NALF2: variants seen among roughly 807,000 people sequenced by gnomAD.
The protein encoded by NALF2 is NALCN channel auxiliary factor 2.
NALF2 carries 1 observed loss-of-function variant against 24.8 expected under a neutral mutation model. The observed-to-expected ratio is 0.04, with a 90% CI of 0.01 to 0.19. The LOEUF is 0.19. NALF2 is among the 10% of genes least tolerant of loss of function. The pLI is 1.00. For synonymous variants in NALF2, 254 were observed against 189.8 expected (o/e 1.34, Z -2.78); for missense variants, 458 against 409.6 (o/e 1.12, Z -1.02).
chrX:69,529,239 C>T (rs1317023476), intron 2 of NALF2, 75 bp downstream of exon 2: 4 of 1,042,268 alleles, frequency 3.8e-6, no homozygotes, highest in Non-Finnish European at 5.2e-6. Flanking sequence ...GAGTTGGGAG[C>T]AGGGATAACA....
In NALF2 at chrX:69,505,127, C is replaced by T. The variant is rs1158838752; in HGVS notation, c.-156C>T. On this transcript the variant is annotated 5_prime_UTR_variant, in exon 1 of 3. Coordinates refer to ENST00000252338, the MANE Select transcript of NALF2 (RefSeq NM_015686.3). ...GAGCGCCCCGCGACTCCGGCCTGAG[C>T]GGGGCATCGCGCCGGCCGGCCTGCC... The T allele has an allele frequency of 5.3e-5, 21 of 398,919 alleles. No individual in the cohort carries two copies. Among genetic ancestry groups the T allele is most frequent in the Non-Finnish European group, 7.8e-6 (2 of 257,624 alleles). The allele number at this position is 398,919 out of a possible 1,213,427, so 32.9% of individuals were successfully genotyped here. A position where few individuals can be genotyped will look rare whatever the true frequency, so the allele number is the denominator to read the frequency against.
Position 69,505,304 on chromosome X carries a change from T to A in NALF2, c.22T>A (p.Trp8Arg). The stretch of plus-strand genomic sequence containing the variant: ...AAATATGTTCAGGGGCGCTTGGATG[T>A]GGCCCGGGAAAGACGCCGCCGCGCT... MFRGAWM[W>R]PGKDAAALTI... The change falls in exon 1 of 3, where the codon TGG becomes AGG. Residue 8 changes from tryptophan (W) to arginine (R), a missense_variant. By Grantham distance (101) the Trp-to-Arg change is moderately radical. Coordinates refer to ENST00000252338, the MANE Select transcript of NALF2 (RefSeq NM_015686.3). The A allele has an allele frequency of 8.7e-7, 1 of 1,155,929 alleles. No individual in the cohort carries two copies. The highest frequency in any genetic ancestry group is 3.4e-5 in the East Asian group (1 of 29,771).
chrX:69,507,726 G>A (rs1013512469), intron 1 of NALF2, among the ~76,000 whole-genome samples: 5 of 111,327 alleles, frequency 4.5e-5, no homozygotes, highest in Non-Finnish European at 9.4e-5. Context: ...TGTCAGCCAC[G>A]GACACATACA....
At chrX:69,521,416 A>T (rs1024170787) in intron 1 of NALF2, among the ~76,000 whole-genome samples, 3 of 111,004 alleles carry the variant, frequency 2.7e-5, no homozygotes, top group African/African-American at 9.8e-5. Context: ...TACCAAGGAG[A>T]TACAGTGCTT....
At chrX:69,520,182 T>C (rs1361144091) in intron 1 of NALF2, among the ~76,000 whole-genome samples, 2 of 112,110 alleles carry the variant, frequency 1.8e-5, no homozygotes, top group Admixed American at 1.9e-4. Flanking sequence ...TGAGCTAGGT[T>C]ATGCTCTGGT....
intron 1 of NALF2, among the ~76,000 whole-genome samples, chrX:69,519,448 A>C (rs1173354416): frequency 8.9e-6 from 1 of 111,949 alleles, no homozygotes; most frequent in Non-Finnish European, 1.9e-5. Context: ...GAAATGTCTT[A>C]CCAGAAGGCT....
intron 2 of NALF2, 138 bp downstream of exon 2, chrX:69,529,302 G>C: frequency 1.3e-6 from 1 of 795,062 alleles, no homozygotes; most frequent in Non-Finnish European, 1.8e-6. Flanking sequence ...GGGCAGTGAC[G>C]TCCCCAGGTT....
intron 1 of NALF2, among the ~76,000 whole-genome samples, chrX:69,520,530 C>T (rs758298257): frequency 6.4e-4 from 72 of 111,712 alleles, no homozygotes; most frequent in Non-Finnish European, 1.2e-3. Context: ...AAGTCCCTAA[C>T]CCCTGATGGC....
rs1273815974 is a variant in NALF2, at chrX:69,505,326, C to T, written c.44C>T (p.Ala15Val). Residue 15 changes from alanine (A) to valine (V), a missense_variant, in exon 1 of 3, where the codon GCG becomes GTG. Physicochemically the swap from Ala to Val is moderately conservative, Grantham distance 64. Coordinates refer to ENST00000252338, the MANE Select transcript of NALF2 (RefSeq NM_015686.3). ...ATGTGGCCCGGGAAAGACGCCGCCG[C>T]GCTGACTATCTGCTGCTGCTGCTGC... is the stretch of plus-strand genomic sequence containing the variant. The part of the protein sequence containing the change: ...AWMWPGKDAA[A>V]LTICCCCCCW... 1 of 1,157,472 alleles carries T rather than the reference C, an allele frequency of 8.6e-7. No individual in the cohort carries two copies. Among genetic ancestry groups the T allele is most frequent in the East Asian group, 3.3e-5 (1 of 29,892 alleles).
rs1356647443 is a variant in NALF2, at chrX:69,532,018, C to CCCTTGGA, written c.*2063_*2069dup. On this transcript the variant is annotated 3_prime_UTR_variant, in exon 3 of 3. Coordinates refer to ENST00000252338, the MANE Select transcript of NALF2 (RefSeq NM_015686.3). Reference sequence around the variant, plus strand: ...AAACCATATGGCCCCAGGGAATGGACCCTTGGAGACTCCCATCCTCTCTTC... The same window carrying CCCTTGGA: ...AAACCATATGGCCCCAGGGAATGGACCCTTGGACCTTGGAGACTCCCATCCTCTCTTC... The CCCTTGGA allele has an allele frequency of 5.3e-5, 6 of 112,416 alleles. No homozygotes were observed. Among genetic ancestry groups the CCCTTGGA allele is most frequent in the African/African-American group, 1.6e-4 (5 of 30,848 alleles). The allele number at this position is 112,416 out of a possible 1,213,427, so 9.3% of individuals were successfully genotyped here.
In NALF2 at chrX:69,530,088, C is replaced by A. The variant is rs1352796764; in HGVS notation, c.*132C>A. ...CGGGGGAAATGGGGGAATGACACAT[C>A]CCCCCCAACCTACCCCCACCCCAAA... is the stretch of plus-strand genomic sequence containing the variant. On this transcript the variant is annotated 3_prime_UTR_variant, in exon 3 of 3. Coordinates refer to ENST00000252338, the MANE Select transcript of NALF2 (RefSeq NM_015686.3). The A allele has an allele frequency of 4.2e-6, 2 of 476,370 alleles. No homozygotes were observed. The highest frequency in any genetic ancestry group is 8.5e-5 in the Admixed American group (2 of 23,555). The allele number at this position is 476,370 out of a possible 1,213,427, so 39.3% of individuals were successfully genotyped here. A position where few individuals can be genotyped will look rare whatever the true frequency, so the allele number is the denominator to read the frequency against.
intron 1 of NALF2, among the ~76,000 whole-genome samples, chrX:69,507,501 CAGAT>C (rs1051014870): frequency 9.0e-6 from 1 of 111,177 alleles, no homozygotes; most frequent in Admixed American, 9.5e-5. Context: ...GGTATACAGA[CAGAT>C]AGACACACAC....
intron 1 of NALF2, among the ~76,000 whole-genome samples, chrX:69,509,238 G>C (rs1444629798): frequency 2.7e-5 from 3 of 110,489 alleles, no homozygotes; most frequent in Non-Finnish European, 5.7e-5. Context: ...AGCTTCCTGT[G>C]CATCCCCACA....
chrX:69,524,435 A>G (rs1343209932), intron 1 of NALF2, among the ~76,000 whole-genome samples: 1 of 111,540 alleles, frequency 9.0e-6, no homozygotes, highest in East Asian at 2.8e-4. Flanking sequence ...TGATTGTGAT[A>G]TGCAGCCAGA....
chrX:69,506,032 C>T lies in NALF2; in HGVS notation c.750C>T (p.Tyr250=). 1 of 1,210,911 alleles carries T rather than the reference C, an allele frequency of 8.3e-7. No homozygotes were observed. The highest frequency in any genetic ancestry group is 1.1e-6 in the Non-Finnish European group (1 of 895,051). ...WEACSNCIEA[Y]QRLDRHAQEK... is the part of the protein sequence containing the mutation. ...CGTGTAGCAACTGTATCGAGGCGTACCAGCGGCTGGACCGACACGCTCAGG... is the reference window on the plus strand; with the variant it reads ...CGTGTAGCAACTGTATCGAGGCGTATCAGCGGCTGGACCGACACGCTCAGG... Residue 250 remains tyrosine, a synonymous_variant, in exon 1 of 3, where the codon TAC becomes TAT. Coordinates refer to ENST00000252338, the MANE Select transcript of NALF2 (RefSeq NM_015686.3).
In NALF2 at chrX:69,530,249, T is replaced by C; in HGVS notation, c.*293T>C. 3.6e-6 allele frequency: 1 copy of C among 276,393 alleles called. No homozygotes were observed. The highest frequency in any genetic ancestry group is 6.1e-5 in the East Asian group (1 of 16,289). The allele number at this position is 276,393 out of a possible 1,213,427, so 22.8% of individuals were successfully genotyped here. A position where few individuals can be genotyped will look rare whatever the true frequency, so the allele number is the denominator to read the frequency against. On this transcript the variant is annotated 3_prime_UTR_variant, in exon 3 of 3. Coordinates refer to ENST00000252338, the MANE Select transcript of NALF2 (RefSeq NM_015686.3). ...GCAAAAAAAGGGAGGAAGTGGGGGC[T>C]GGATATGCCCACCCCTGCCAAAAGC...
At position 69,529,118 on chromosome X, in the gene NALF2, C is replaced by G; in HGVS notation, c.987C>G (p.Asp329Glu). Reference sequence around the variant, plus strand: ...CCCGGTGCCCCTTTATACTCCCCGACAATGAGGAAATGGTGTACGGAGGGC... The same window carrying G: ...CCCGGTGCCCCTTTATACTCCCCGAGAATGAGGAAATGGTGTACGGAGGGC... ...VQTRCPFILP[D>E]NEEMVYGGLP... Residue 329 changes from aspartate to glutamate, a missense_variant, in exon 2 of 3, where the codon GAC becomes GAG. Asp to Glu is a conservative substitution (Grantham distance 45, BLOSUM62 2). Transcript: ENST00000252338. 1 of 1,210,818 alleles carries G rather than the reference C, an allele frequency of 8.3e-7. No homozygotes were observed. Among genetic ancestry groups the G allele is most frequent in the Non-Finnish European group, 1.1e-6 (1 of 895,078 alleles).
At chrX:69,516,604 A>G (rs1192251529) in intron 1 of NALF2, among the ~76,000 whole-genome samples, 3 of 112,220 alleles carry the variant, frequency 2.7e-5, no homozygotes, top group South Asian at 7.6e-4. Flanking sequence ...CCCAGATGGT[A>G]GGACCTGGGA....
rs1392922789 is a variant in NALF2, at chrX:69,531,709, G to A, written c.*1753G>A. 1 of 111,416 alleles carries A rather than the reference G, an allele frequency of 9.0e-6. No individual in the cohort carries two copies. The highest frequency in any genetic ancestry group is 3.3e-5 in the African/African-American group (1 of 30,459). 9.2% of individuals were successfully genotyped at this position (111,416 alleles called of 1,213,427 possible). A position where few individuals can be genotyped will look rare whatever the true frequency, so the allele number is the denominator to read the frequency against. On this transcript the variant is annotated 3_prime_UTR_variant, in exon 3 of 3. Transcript: ENST00000252338. The stretch of plus-strand genomic sequence containing the variant: ...CCCAGACTGATTACATGAGACTGGG[G>A]AGTCCTTCCCTGCCAGTTTTCTCAT...
Sources: gnomAD v4.1 joint callset for allele counts (sites outside exome capture counted in the v4.1 genomes callset) on GRCh38, gnomAD v4.1.1 for gene constraint, MANE v1.5 for transcripts, NCBI Gene and HGNC (gene_info 2026-07-23, HGNC 2026-07-21) for gene names.